NRG4: variants seen among roughly 807,000 people sequenced by gnomAD.
NRG4 encodes the protein neuregulin 4, also known as pro-neuregulin-4, membrane-bound isoform.
A neutral mutation model predicts 15.0 loss-of-function variants in NRG4; 10 were observed. The observed-to-expected ratio is 0.67, with a 90% CI of 0.41 to 1.13. The LOEUF is 1.13. NRG4 is among the 50% of genes most tolerant of loss of function. The probability of loss-of-function intolerance (pLI) is 0.00; values close to 1 mark genes in which losing one functional copy is unlikely to be tolerated. For synonymous variants in NRG4, 41 were observed against 50.1 expected (o/e 0.82, Z 0.77); for missense variants, 139 against 140.2 (o/e 0.99, Z 0.04).
At chr15:76,018,100 C>G (rs577799493) in intron 5 of NRG4, among the ~76,000 whole-genome samples, 1 of 152,214 alleles carries the variant, frequency 6.6e-6, no homozygotes, top group South Asian at 2.1e-4. Context: ...GATATCCTTT[C>G]TTCCACTTGA....
chr15:76,006,235 T>C (rs1177766229), intron 3 of NRG4, among the ~76,000 whole-genome samples: 2 of 152,048 alleles, frequency 1.3e-5, no homozygotes, highest in Non-Finnish European at 2.9e-5. Context: ...GAGTCAAATA[T>C]AAGTCTGGGG....
chr15:75,968,266 AG>A (rs1418837247), intron 3 of NRG4, among the ~76,000 whole-genome samples: 1 of 152,172 alleles, frequency 6.6e-6, no homozygotes, highest in Non-Finnish European at 1.5e-5. Context: ...AAAAACGATC[AG>A]GGAGGAAATC....
intron 5 of NRG4, among the ~76,000 whole-genome samples, chr15:75,949,706 G>A (rs2031764491): frequency 6.6e-6 from 1 of 152,042 alleles, no homozygotes; most frequent in Non-Finnish European, 1.5e-5. Context: ...TTTCTTCTAA[G>A]GTTTTTGTAG....
chr15:76,050,152 C>T (rs2035962178), intron 4 of NRG4, among the ~76,000 whole-genome samples: 2 of 150,660 alleles, frequency 1.3e-5, no homozygotes, highest in Non-Finnish European at 1.5e-5. Flanking sequence ...CAAAGTAAAC[C>T]ATAGCATCAT....
intron 5 of NRG4, among the ~76,000 whole-genome samples, chr15:75,944,730 T>C (rs566586865): frequency 8.1e-5 from 12 of 147,950 alleles, no homozygotes; most frequent in Non-Finnish European, 1.6e-4. Flanking sequence ...TCATGACATA[T>C]CTTGTCACAT....
chr15:76,041,548 AAT>A (rs2035737935), intron 4 of NRG4, among the ~76,000 whole-genome samples: 1 of 152,184 alleles, frequency 6.6e-6, no homozygotes, highest in Non-Finnish European at 1.5e-5. Flanking sequence ...TATCAGACAA[AAT>A]AGATTCCATG....
At chr15:75,969,736 A>G (rs1238340064) in intron 3 of NRG4, among the ~76,000 whole-genome samples, 1 of 152,232 alleles carries the variant, frequency 6.6e-6, no homozygotes, top group Non-Finnish European at 1.5e-5. Flanking sequence ...TGGTGAGGTC[A>G]AGAAAGATGT....
At chr15:76,029,729 G>A (rs965609100) in intron 5 of NRG4, among the ~76,000 whole-genome samples, 2 of 152,004 alleles carry the variant, frequency 1.3e-5, no homozygotes, top group South Asian at 4.1e-4. Flanking sequence ...AAGAAGTAAA[G>A]GATCCCTACA....
At chr15:75,946,176 G>T (rs962451844) in intron 5 of NRG4, among the ~76,000 whole-genome samples, 2 of 152,152 alleles carry the variant, frequency 1.3e-5, no homozygotes, top group African/African-American at 4.8e-5. Flanking sequence ...TCATCATGTT[G>T]CTTAGAAGGG....
chr15:76,029,947 GC>G (rs1179402248), intron 5 of NRG4, among the ~76,000 whole-genome samples: 11 of 152,186 alleles, frequency 7.2e-5, no homozygotes, highest in Non-Finnish European at 1.0e-4. Context: ...AACAGATAAA[GC>G]AATCCTGAGC....
chr15:76,024,869 TC>T (rs764746774), intron 5 of NRG4, among the ~76,000 whole-genome samples: 1 of 152,096 alleles, frequency 6.6e-6, no homozygotes, highest in Non-Finnish European at 1.5e-5. Flanking sequence ...CCAAGACCCA[TC>T]TATATGTATA....
At chr15:75,969,395 T>C (rs1420837881) in intron 3 of NRG4, among the ~76,000 whole-genome samples, 1 of 152,130 alleles carries the variant, frequency 6.6e-6, no homozygotes, top group Non-Finnish European at 1.5e-5. Context: ...ATAACCAAAA[T>C]TTGGAAGCAA....
chr15:76,037,451 A>G (rs1158100025), intron 4 of NRG4, among the ~76,000 whole-genome samples: 13 of 152,144 alleles, frequency 8.5e-5, no homozygotes, highest in Non-Finnish European at 1.9e-4. Context: ...TCACAGTATA[A>G]AGCAAAACTG....
At position 75,941,563 on chromosome 15, in the gene NRG4, A is replaced by G. The variant is rs2030957603; in HGVS notation, c.*2075T>C. The stretch of plus-strand genomic sequence containing the variant: ...TGAATGGATAGACAAAATGTGTTAT[A>G]TCCATACAATGGAATATTATTCAGC... On this transcript the variant is annotated 3_prime_UTR_variant, in exon 6 of 6. Coordinates refer to ENST00000394907, the MANE Select transcript of NRG4 (RefSeq NM_138573.4). The G allele has an allele frequency of 6.6e-6, 1 of 152,214 alleles. No individual in the cohort carries two copies. Among genetic ancestry groups the G allele is most frequent in the Non-Finnish European group, 1.5e-5 (1 of 68,030 alleles). 9.4% of individuals were successfully genotyped at this position (152,214 alleles called of 1,614,324 possible).
intron 4 of NRG4, among the ~76,000 whole-genome samples, chr15:76,039,827 C>A (rs1360623664): frequency 6.6e-6 from 1 of 152,094 alleles, no homozygotes; most frequent in African/African-American, 2.4e-5. Context: ...AAAGGTGGAC[C>A]ATTTGAGGCC....
At position 76,055,181 on chromosome 15, in the gene NRG4, G is replaced by A. The variant is rs78641519; in HGVS notation, c.-262+1773C>T. Among the ~76,000 whole-genome samples the A allele has an allele frequency of 9.6e-4, 147 of 152,336 alleles. 1 individual carries two copies. The East Asian group carries it at 0.028, about 29-fold the overall frequency. ...GCCTGTAGTCCCAGCTACTCGGGAG[G>A]TTGAGGCAGGAGAATTGCTTGAACG... On this transcript the variant is annotated intron_variant, in intron 2 of 8. Coordinates refer to the NRG4 transcript ENST00000563910.
At chr15:75,986,733 A>G (rs1411031113) in intron 3 of NRG4, among the ~76,000 whole-genome samples, 3 of 152,192 alleles carry the variant, frequency 2.0e-5, no homozygotes, top group African/African-American at 7.2e-5. Flanking sequence ...GAATATTATC[A>G]TTTTTTGGTG....
chr15:75,997,933 G>A (rs2141885079), intron 3 of NRG4, among the ~76,000 whole-genome samples: 1 of 152,232 alleles, frequency 6.6e-6, no homozygotes, highest in East Asian at 1.9e-4. Flanking sequence ...AAACACAGAG[G>A]ACCACATAGT....
chr15:75,992,916 CTT>C (rs199501046), intron 3 of NRG4, among the ~76,000 whole-genome samples: 3 of 144,716 alleles, frequency 2.1e-5, no homozygotes, highest in African/African-American at 7.5e-5. Context: ...TTGATGGACA[CTT>C]TTTTTTTTTA....
Sources: gnomAD v4.1 joint callset for allele counts (sites outside exome capture counted in the v4.1 genomes callset) on GRCh38, gnomAD v4.1.1 for gene constraint, MANE v1.5 for transcripts, NCBI Gene and HGNC (gene_info 2026-07-23, HGNC 2026-07-21) for gene names.